The following TPST1 variants were observed in gnomAD, a reference collection of about 807,000 sequenced individuals.
TPST1 encodes tyrosylprotein sulfotransferase 1.
TPST1 carries 20 observed loss-of-function variants against 34.8 expected under a neutral mutation model. The observed-to-expected ratio is 0.57, with a 90% CI of 0.40 to 0.84. The LOEUF (loss-of-function observed/expected upper bound fraction) is 0.84, where lower values mean the gene tolerates loss of function less well. TPST1 is among the 40% of genes least tolerant of loss of function. The pLI, the probability that TPST1 is intolerant of heterozygous loss-of-function variation, is 0.00. For synonymous variants in TPST1, 152 were observed against 159.4 expected (o/e 0.95, Z 0.35); for missense variants, 353 against 455.5 (o/e 0.78, Z 2.05).
At chr7:66,306,941 C>T (rs992597975) in intron 3 of TPST1, among the ~76,000 whole-genome samples, 9 of 152,070 alleles carry the variant, frequency 5.9e-5, no homozygotes, top group African/African-American at 2.2e-4. Context: ...TCTTGAACTC[C>T]TGACCTCAGG....
intron 2 of TPST1, among the ~76,000 whole-genome samples, chr7:66,245,078 C>A (rs1790120015): frequency 6.6e-6 from 1 of 152,112 alleles, no homozygotes; most frequent in Non-Finnish European, 1.5e-5. Context: ...GAAATGGAGA[C>A]ATTTTTGAGG....
At chr7:66,279,354 A>G (rs1394034926) in intron 2 of TPST1, among the ~76,000 whole-genome samples, 3 of 152,182 alleles carry the variant, frequency 2.0e-5, no homozygotes, top group South Asian at 2.1e-4. Flanking sequence ...GGTTGGTTCC[A>G]TGTCTTAGCT....
chr7:66,211,898 G>A (rs1286213233), intron 1 of TPST1, among the ~76,000 whole-genome samples: 6 of 152,176 alleles, frequency 3.9e-5, no homozygotes, highest in Non-Finnish European at 7.3e-5. Context: ...CCCGGGAGGC[G>A]GAGGTCGCAG....
At chr7:66,355,702 C>T (rs1287390870) in intron 4 of TPST1, among the ~76,000 whole-genome samples, 4 of 151,588 alleles carry the variant, frequency 2.6e-5, no homozygotes, top group Admixed American at 2.6e-4. Context: ...GAGTTCAAGA[C>T]CAGCCTGGCA....
At chr7:66,321,527 A>G (rs570782888) in intron 3 of TPST1, among the ~76,000 whole-genome samples, 5 of 152,384 alleles carry the variant, frequency 3.3e-5, no homozygotes, top group East Asian at 1.9e-4. Flanking sequence ...GAGGCAGCCA[A>G]TAGCCAGTCC....
intron 2 of TPST1, among the ~76,000 whole-genome samples, chr7:66,250,422 T>C (rs531371304): frequency 1.3e-5 from 2 of 152,352 alleles, no homozygotes; most frequent in Middle Eastern, 6.8e-3. Flanking sequence ...TGACAGTGGC[T>C]AAGCACACGT....
At chr7:66,217,515 G>A (rs1001122656) in intron 1 of TPST1, among the ~76,000 whole-genome samples, 1 of 152,126 alleles carries the variant, frequency 6.6e-6, no homozygotes, top group Non-Finnish European at 1.5e-5. Flanking sequence ...TTTGCTGTTT[G>A]CATGATATAT....
At chr7:66,240,283 A>T in intron 1 of TPST1, 42 bp from the exon 2 acceptor site, 1 of 1,014,164 alleles carries the variant, frequency 9.9e-7, no homozygotes. Context: ...TTTGTAAGCA[A>T]TCTCAATGTA....
chr7:66,221,054 A>G (rs1789532308), intron 1 of TPST1, among the ~76,000 whole-genome samples: 1 of 151,750 alleles, frequency 6.6e-6, no homozygotes, highest in Admixed American at 6.6e-5. Flanking sequence ...AATTGCTTGA[A>G]CCTGGGAGGT....
chr7:66,335,335 A>G (rs1308322730), intron 3 of TPST1, among the ~76,000 whole-genome samples: 1 of 152,086 alleles, frequency 6.6e-6, no homozygotes, highest in Admixed American at 6.6e-5. Flanking sequence ...ACGTGCCTGT[A>G]ATCCCAGCTA....
chr7:66,203,486 C>CT (rs373614847), upstream of TPST1, among the ~76,000 whole-genome samples: 4,881 of 134,544 alleles, frequency 0.036, 144 homozygotes, highest in East Asian at 0.082. Flanking sequence ...ACAAAAACTT[C>CT]TTTTTTTTTT....
At chr7:66,354,606 G>A (rs1055052123) in intron 4 of TPST1, among the ~76,000 whole-genome samples, 73 of 148,906 alleles carry the variant, frequency 4.9e-4, no homozygotes, top group Non-Finnish European at 2.4e-4. Context: ...AGGTATTTGA[G>A]ACTAAAACTA....
chr7:66,336,428 C>A (rs1792123174), intron 3 of TPST1, among the ~76,000 whole-genome samples: 1 of 151,778 alleles, frequency 6.6e-6, no homozygotes, highest in Admixed American at 6.6e-5. Context: ...AACAAGAAAA[C>A]AAATAGAAAT....
At chr7:66,323,790 C>G (rs1016827892) in intron 3 of TPST1, among the ~76,000 whole-genome samples, 2 of 152,120 alleles carry the variant, frequency 1.3e-5, no homozygotes, top group Admixed American at 1.3e-4. Flanking sequence ...GATACTACTT[C>G]ACACCCACCG....
chr7:66,200,819 T>C (rs1789027062), upstream of TPST1, among the ~76,000 whole-genome samples: 1 of 150,926 alleles, frequency 6.6e-6, no homozygotes, highest in East Asian at 2.0e-4. Context: ...CTCCACATCC[T>C]GAGTTCAAGC....
chr7:66,358,469 A>G (rs1792626916), intron 5 of TPST1, among the ~76,000 whole-genome samples: 1 of 152,054 alleles, frequency 6.6e-6, no homozygotes, highest in Non-Finnish European at 1.5e-5. Flanking sequence ...TAAATTATAT[A>G]TACATCTATA....
upstream of TPST1, among the ~76,000 whole-genome samples, chr7:66,203,765 G>A (rs1050567680): frequency 1.3e-4 from 20 of 152,076 alleles, no homozygotes; most frequent in African/African-American, 2.9e-4. Context: ...GATTACAGGC[G>A]TGAGCCACTG....
At chr7:66,249,081 C>A in intron 2 of TPST1, among the ~76,000 whole-genome samples, 1 of 152,118 alleles carries the variant, frequency 6.6e-6, no homozygotes, top group Middle Eastern at 3.2e-3. Flanking sequence ...AATAAGGACA[C>A]TTCCCAAGTT....
chr7:66,336,354 G>T (rs146733869), intron 3 of TPST1, among the ~76,000 whole-genome samples: 39 of 151,330 alleles, frequency 2.6e-4, no homozygotes, highest in African/African-American at 8.0e-4. Flanking sequence ...AATAGAGATA[G>T]AAAATTAAAT....
Sources: gnomAD v4.1 joint callset for allele counts (sites outside exome capture counted in the v4.1 genomes callset) on GRCh38, gnomAD v4.1.1 for gene constraint, MANE v1.5 for transcripts, NCBI Gene and HGNC (gene_info 2026-07-23, HGNC 2026-07-21) for gene names.